The following PRPF6 variants were observed in gnomAD, a reference collection of about 807,000 sequenced individuals.
PRPF6 encodes the protein pre-mRNA processing factor 6.
PRPF6 carries 42 observed loss-of-function variants against 118.3 expected under a neutral mutation model. That is an observed-to-expected ratio of 0.35 (90% confidence interval 0.28 to 0.46). The LOEUF (loss-of-function observed/expected upper bound fraction) is 0.46, where lower values mean the gene tolerates loss of function less well. PRPF6 is among the 20% of genes least tolerant of loss of function. The pLI is 1.00. For synonymous variants in PRPF6, 481 were observed against 485.1 expected, an observed-to-expected ratio of 0.99 and a Z score of 0.11; for missense variants, 662 against 1,255.7, an observed-to-expected ratio of 0.53 and a Z score of 7.15.
At chr20:63,988,057 C>T (rs559516770) in intron 3 of PRPF6, among the ~76,000 whole-genome samples, 6 of 151,898 alleles carry the variant, frequency 4.0e-5, no homozygotes, top group Non-Finnish European at 7.4e-5. Context: ...CTGGGACTCA[C>T]GCCTGTAATC....
intron 1 of PRPF6, among the ~76,000 whole-genome samples, chr20:63,982,528 A>T (rs1398791797): frequency 6.6e-6 from 1 of 152,144 alleles, no homozygotes; most frequent in Admixed American, 6.5e-5. Context: ...GCATGGGTTG[A>T]AGTAGAGGAA....
Position 64,029,986 on chromosome 20 carries a change from T to C in PRPF6, c.2546+495T>C, listed in dbSNP as rs1192297422. ...CACTGGGGACGCGTGTGATTCACAC[T>C]GGTGCGCTGGCCGCTGGGTCAGAGA... On this transcript the variant is annotated intron_variant, in intron 19 of 20. Coordinates refer to ENST00000266079, the MANE Select transcript of PRPF6 (RefSeq NM_012469.4). The surrounding 1 kb of genome is among the most constrained non-coding windows in gnomAD (Gnocchi z 4.8). 6.6e-6 allele frequency among the ~76,000 whole-genome samples: 1 copy of C among 152,156 alleles called. No individual in the cohort carries two copies. Among genetic ancestry groups the C allele is most frequent in the Non-Finnish European group, 1.5e-5 (1 of 68,008 alleles).
chr20:64,031,963 C>T lies in PRPF6; in HGVS notation c.2592C>T (p.Phe864=), dbSNP rs1321994524. The T allele has an allele frequency of 6.2e-7, 1 of 1,614,026 alleles. No individual in the cohort carries two copies. The highest frequency in any genetic ancestry group is 1.3e-5 in the African/African-American group (1 of 74,930). Residue 864 remains phenylalanine, a synonymous_variant, in exon 20 of 21, where the codon TTC becomes TTT. Transcript: ENST00000266079. ...QRKITKAREW[F]HRTVKIDSDL... is the part of the protein sequence containing the mutation. ...AGATCACCAAGGCCAGGGAGTGGTT[C>T]CACCGCACTGTGAAGATTGACTCGG... is the stretch of plus-strand genomic sequence containing the variant.
chr20:64,002,332 C>T (rs1378580611), intron 9 of PRPF6, among the ~76,000 whole-genome samples: 1 of 131,704 alleles, frequency 7.6e-6, no homozygotes, highest in Non-Finnish European at 1.6e-5. Flanking sequence ...ATGCAGGTGG[C>T]TTCTATCCAT....
intron 11 of PRPF6, among the ~76,000 whole-genome samples, chr20:64,015,524 G>T (rs1029365947): frequency 2.6e-5 from 4 of 152,222 alleles, no homozygotes; most frequent in Admixed American, 2.0e-4. Context: ...TTGGCATGCC[G>T]CAGTGGTGCC....
chr20:64,021,336 CGT>C (rs1358432252), intron 12 of PRPF6, among the ~76,000 whole-genome samples: 2 of 146,486 alleles, frequency 1.4e-5, no homozygotes, highest in East Asian at 2.0e-4. Context: ...CAGCCACAGC[CGT>C]GTGTCTGTGT....
In PRPF6 at chr20:64,029,393, G is replaced by T; in HGVS notation, c.2448G>T (p.Glu816Asp). The T allele has an allele frequency of 7.4e-6, 12 of 1,614,142 alleles. No individual in the cohort carries two copies. The highest frequency in any genetic ancestry group is 1.0e-5 in the Non-Finnish European group (12 of 1,180,012). Reference sequence around the variant, plus strand: ...GAATTATAGGTATCCTGTGGTCTGAGGCCATCTTCCTCGAGGCAAGGCCCC... The same window carrying T: ...GAATTATAGGTATCCTGTGGTCTGATGCCATCTTCCTCGAGGCAAGGCCCC... ...ECPNSGILWSEAIFLEARPQR... is the reference protein window; with the variant it reads ...ECPNSGILWSDAIFLEARPQR... Residue 816 changes from glutamate to aspartate, a missense_variant, in exon 19 of 21, where the codon GAG becomes GAT. Physicochemically the swap from Glu to Asp is conservative, Grantham distance 45 (BLOSUM62 2). This residue lies in a region of PRPF6 where 244 missense variants were observed against 383.7 expected (regional missense o/e 0.64). Coordinates refer to ENST00000266079, the MANE Select transcript of PRPF6 (RefSeq NM_012469.4). The surrounding 1 kb of genome is among the most constrained non-coding windows in gnomAD (Gnocchi z 4.8).
In PRPF6 at chr20:64,021,562, CTG is replaced by C. The variant is rs370834346; in HGVS notation, c.1648-1182_1648-1181del. Among the ~76,000 whole-genome samples the C allele has an allele frequency of 1.7e-3, 110 of 63,816 alleles. 1 individual carries two copies. The highest frequency in any genetic ancestry group is 5.3e-3 in the African/African-American group (85 of 16,172). 41.9% of individuals were successfully genotyped at this position (63,816 alleles called of 152,430 possible). ...CAGCCCCGTGTCTGTGTGTGTGTGT[CTG>C]TGTGTGTGTGTGCACATATGCATAT... On this transcript the variant is annotated intron_variant, in intron 12 of 20. Coordinates refer to ENST00000266079, the MANE Select transcript of PRPF6 (RefSeq NM_012469.4).
Position 64,032,825 on chromosome 20 carries a change from C to A in PRPF6, c.2674-16C>A. 4 of 1,600,602 alleles carry A rather than the reference C, an allele frequency of 2.5e-6. No homozygotes were observed. The highest frequency in any genetic ancestry group is 3.4e-6 in the Non-Finnish European group (4 of 1,174,884). On this transcript the variant is annotated splice_polypyrimidine_tract_variant and intron_variant, in intron 20 of 20. Coordinates refer to ENST00000266079, the MANE Select transcript of PRPF6 (RefSeq NM_012469.4). Reference sequence around the variant, plus strand: ...GTGGGAGGACCCCTGCCTGACGTGCCCTGTGGTCCCCCCAGGAGCAGCAGG... The same window carrying A: ...GTGGGAGGACCCCTGCCTGACGTGCACTGTGGTCCCCCCAGGAGCAGCAGG...
Position 63,997,284 on chromosome 20 carries a change from T to A in PRPF6, c.772-1761T>A, listed in dbSNP as rs58698123. ...GCTCATGGTGCAGCATGCGTCAGCA[T>A]GTTCTTTTTTTTTTTTTTTTTTTTG... On this transcript the variant is annotated intron_variant, in intron 6 of 20. Coordinates refer to ENST00000266079, the MANE Select transcript of PRPF6 (RefSeq NM_012469.4). 2.5e-3 allele frequency among the ~76,000 whole-genome samples: 364 copies of A among 146,610 alleles called. 1 individual carries two copies. The highest frequency in any genetic ancestry group is 9.1e-3 in the African/African-American group (356 of 38,920).
chr20:64,020,204 T>G (rs528100849), intron 12 of PRPF6, among the ~76,000 whole-genome samples: 1 of 152,168 alleles, frequency 6.6e-6, no homozygotes, highest in South Asian at 2.1e-4. Flanking sequence ...TCACTTGAGG[T>G]CAGGAGTTCG....
chr20:63,995,392 G>A lies in PRPF6; in HGVS notation c.681G>A (p.Thr227=). The A allele has an allele frequency of 1.2e-6, 2 of 1,614,088 alleles. No homozygotes were observed. The highest frequency in any genetic ancestry group is 1.1e-5 in the South Asian group (1 of 91,068). ...GLNTPYPGGM[T]PGLMTPGTGE... ...ACACTCCATACCCAGGTGGAATGACGCCAGGACTGATGACACCTGGCACAG... is the reference window on the plus strand; with the variant it reads ...ACACTCCATACCCAGGTGGAATGACACCAGGACTGATGACACCTGGCACAG... The change falls in exon 6 of 21, where the codon ACG becomes ACA. Residue 227 remains threonine, a synonymous_variant. Transcript: ENST00000266079.
chr20:63,994,060 G>A (rs747680688), intron 4 of PRPF6, among the ~76,000 whole-genome samples: 8 of 151,092 alleles, frequency 5.3e-5, no homozygotes, highest in African/African-American at 9.7e-5. Flanking sequence ...CCATTTATAC[G>A]TAAGATTTTC....
At chr20:63,998,759 G>A (rs1191358082) in intron 6 of PRPF6, among the ~76,000 whole-genome samples, 4 of 151,214 alleles carry the variant, frequency 2.6e-5, no homozygotes, top group Admixed American at 6.6e-5. Flanking sequence ...GGAGGATGGC[G>A]TGAACCTGGG....
At chr20:64,016,232 C>T (rs2123064530) in intron 11 of PRPF6, among the ~76,000 whole-genome samples, 1 of 152,072 alleles carries the variant, frequency 6.6e-6, no homozygotes, top group South Asian at 2.1e-4. Context: ...AGTGATTCTC[C>T]TGCCTCGGCC....
chr20:63,990,016 GC>G (rs1276323210), intron 3 of PRPF6, among the ~76,000 whole-genome samples: 1 of 151,872 alleles, frequency 6.6e-6, no homozygotes. Flanking sequence ...ACCACACCTG[GC>G]TAATTTTTGT....
chr20:64,029,408 G>A lies in PRPF6; in HGVS notation c.2463G>A (p.Glu821=), dbSNP rs748690586. The change falls in exon 19 of 21, where the codon GAG becomes GAA. Residue 821 remains glutamate (E), a synonymous_variant. Transcript: ENST00000266079. This position sits in a 1 kb window ranked among gnomAD's most constrained non-coding sequence, Gnocchi z 4.8. The part of the protein sequence containing the change: ...GILWSEAIFL[E]ARPQRRTKSV... ...TGTGGTCTGAGGCCATCTTCCTCGAGGCAAGGCCCCAGAGGAGGACCAAGA... is the reference window on the plus strand; with the variant it reads ...TGTGGTCTGAGGCCATCTTCCTCGAAGCAAGGCCCCAGAGGAGGACCAAGA... The A allele has an allele frequency of 6.2e-7, 1 of 1,614,200 alleles. No individual in the cohort carries two copies. The highest frequency in any genetic ancestry group is 1.7e-5 in the Admixed American group (1 of 60,030).
At chr20:64,024,523 G>C (rs2059279309) in intron 13 of PRPF6, 32 bp from the exon 14 acceptor site, 1 of 1,612,880 alleles carries the variant, frequency 6.2e-7, no homozygotes, top group Non-Finnish European at 8.5e-7. Flanking sequence ...TTATGGCCCT[G>C]CCTCTGGTGA....
At chr20:63,981,828 G>GCACTAGCTCA (rs979780784) in intron 1 of PRPF6, among the ~76,000 whole-genome samples, 2 of 151,924 alleles carry the variant, frequency 1.3e-5, no homozygotes, top group Non-Finnish European at 2.9e-5. Flanking sequence ...AATCTGTGGG[G>GCACTAGCTCA]CACACACAAG....
Sources: gnomAD v4.1 joint callset for allele counts (sites outside exome capture counted in the v4.1 genomes callset) on GRCh38, gnomAD v4.1.1 for gene constraint, gnomAD v4.1.1 regional missense constraint, Gnocchi (gnomAD v3.1) non-coding constraint, MANE v1.5 for transcripts, NCBI Gene and HGNC (gene_info 2026-07-23, HGNC 2026-07-21) for gene names.